SULT1C3: variants seen among roughly 807,000 people sequenced by gnomAD.
The protein encoded by SULT1C3 is sulfotransferase family 1C member 3, also known as sulfotransferase 1C3.
A neutral mutation model predicts 28.4 loss-of-function variants in SULT1C3; 31 were observed. The ratio of observed to expected loss-of-function variants is 1.09; its 90% CI spans 0.82 to 1.47. SULT1C3 has a LOEUF of 1.47. SULT1C3 is among the 40% of genes most tolerant of loss of function. The probability of loss-of-function intolerance (pLI) is 0.00; values close to 1 mark genes in which losing one functional copy is unlikely to be tolerated. For synonymous variants in SULT1C3, 106 were observed against 92.2 expected (o/e 1.15, Z -0.86); for missense variants, 307 against 272.5 (o/e 1.13, Z -0.89).
At chr2:108,265,081 G>T (rs371165785), downstream of SULT1C3, 30 of 1,499,694 alleles carry the variant, frequency 2.0e-5, no homozygotes, top group East Asian at 2.3e-4. Flanking sequence ...TTCCAGTAAT[G>T]TTTCATTCTC....
At chr2:108,249,008 T>A (rs1475947013) in intron 2 of SULT1C3, among the ~76,000 whole-genome samples, 1 of 152,092 alleles carries the variant, frequency 6.6e-6, no homozygotes, top group Non-Finnish European at 1.5e-5. Context: ...AGAGAGAAAG[T>A]ATCAACAAAA....
rs973409585 is a variant in SULT1C3, at chr2:108,252,371, C to A, written c.179C>A (p.Thr60Lys). The change falls in exon 3 of 8, where the codon ACA becomes AAA. Residue 60 changes from threonine (T) to lysine (K), a missense_variant. Physicochemically the swap from Thr to Lys is moderately conservative, Grantham distance 78 (BLOSUM62 -1). Coordinates refer to ENST00000681802, the MANE Select transcript of SULT1C3 (RefSeq NM_001320878.2). The part of the protein sequence containing the change: ...ILATYPKSGT[T>K]WMHEILDMIL... ...CTATTTCAAATATTTTCAGGTACAA[C>A]ATGGATGCATGAAATTTTAGACATG... The A allele has an allele frequency of 3.7e-6, 6 of 1,608,266 alleles. No individual in the cohort carries two copies. The Admixed American group carries it at 8.4e-5, about 23-fold the overall frequency.
At position 108,255,619 on chromosome 2, in the gene SULT1C3, C is replaced by A; in HGVS notation, c.447C>A (p.Tyr149Ter). The A allele has an allele frequency of 6.2e-7, 1 of 1,611,988 alleles. No homozygotes were observed. The highest frequency in any genetic ancestry group is 8.5e-7 in the Non-Finnish European group (1 of 1,178,584). Reference sequence around the variant, plus strand: ...CCAAGGATTGCCTGGTGTCCTACTACCACTTTCACAGGATGGCTTCCTTTA... The same window carrying A: ...CCAAGGATTGCCTGGTGTCCTACTAACACTTTCACAGGATGGCTTCCTTTA... ...RNPKDCLVSY[Y>*]HFHRMASFMP... is the part of the protein sequence containing the mutation. Residue 149 changes from tyrosine (Y) to a stop codon, truncating the protein, a stop_gained, in exon 5 of 8, where the codon TAC becomes TAA. Transcript: ENST00000681802. LOFTEE classifies it high-confidence loss of function.
chr2:108,244,494 C>A (rs1442973412), intron 1 of SULT1C3, among the ~76,000 whole-genome samples: 1 of 152,130 alleles, frequency 6.6e-6, no homozygotes, highest in Non-Finnish European at 1.5e-5. Context: ...TTTGCCTTCC[C>A]TATTTTTTTC....
At position 108,259,025 on chromosome 2, in the gene SULT1C3, TGTTATAAACAA is replaced by T. The variant is rs780805314; in HGVS notation, c.683_693del (p.Val228AspfsTer8). ...TCTTGGAGAAAACTTGGTCAGGTGATGTTATAAACAAGATTGTCCACCATACCTCATTTGAT... is the reference window on the plus strand; with the variant it reads ...TCTTGGAGAAAACTTGGTCAGGTGATGATTGTCCACCATACCTCATTTGAT... On this transcript the variant is annotated frameshift_variant, in exon 7 of 8. Coordinates refer to ENST00000681802, the MANE Select transcript of SULT1C3 (RefSeq NM_001320878.2). LOFTEE classifies it high-confidence loss of function. 2.2e-5 allele frequency: 7 copies of T among 324,544 alleles called. No homozygotes were observed. Among genetic ancestry groups the T allele is most frequent in the East Asian group, 1.6e-4 (5 of 30,990 alleles). The allele number at this position is 324,544 out of a possible 1,614,324, so 20.1% of individuals were successfully genotyped here.
downstream of SULT1C3, chr2:108,265,306 G>GA: frequency 6.2e-7 from 1 of 1,613,976 alleles, no homozygotes; most frequent in South Asian, 1.1e-5. Context: ...AGGACTACCA[G>GA]AAGAAGATGG....
At chr2:108,264,903 T>C, downstream of SULT1C3, 1 of 1,613,912 alleles carries the variant, frequency 6.2e-7, no homozygotes, top group Non-Finnish European at 8.5e-7. Context: ...TAAAATCATC[T>C]ATCACACCTC....
chr2:108,260,600 G>A lies in SULT1C3; in HGVS notation c.835G>A (p.Val279Met). Residue 279 changes from valine to methionine, a missense_variant, in exon 8 of 8, where the codon GTG (valine) becomes ATG (methionine). Val to Met is a conservative substitution (Grantham distance 21). Coordinates refer to ENST00000681802, the MANE Select transcript of SULT1C3 (RefSeq NM_001320878.2). The stretch of plus-strand genomic sequence containing the variant: ...TGGAGACTGGAAGAACCACTTTACT[G>A]TGGCTTTGAATGAGAACTTTGATAA... ...MPGDWKNHFT[V>M]ALNENFDKHY... is the part of the protein sequence containing the mutation. 1 of 513,338 alleles carries A rather than the reference G, an allele frequency of 1.9e-6. No homozygotes were observed. Among genetic ancestry groups the A allele is most frequent in the Non-Finnish European group, 3.9e-6 (1 of 257,388 alleles). The allele number at this position is 513,338 out of a possible 1,614,324, so 31.8% of individuals were successfully genotyped here. A position where few individuals can be genotyped will look rare whatever the true frequency, so the allele number is the denominator to read the frequency against.
intron 1 of SULT1C3, among the ~76,000 whole-genome samples, chr2:108,241,190 C>T (rs184774548): frequency 1.3e-5 from 2 of 152,228 alleles, no homozygotes; most frequent in Admixed American, 1.3e-4. Context: ...CTGCGTGTCA[C>T]GCTTGATTCC....
At chr2:108,260,487 T>G in intron 7 of SULT1C3, 81 bp from the exon 8 acceptor site, 1 of 376,122 alleles carries the variant, frequency 2.7e-6, no homozygotes. Context: ...ATCACGTGGG[T>G]AGGCCTAGGA....
intron 1 of SULT1C3, among the ~76,000 whole-genome samples, chr2:108,240,927 T>G (rs1241949515): frequency 1.3e-5 from 2 of 152,240 alleles, no homozygotes; most frequent in African/African-American, 2.4e-5. Flanking sequence ...CATCTACATA[T>G]GCCTTTTGGA....
Position 108,258,971 on chromosome 2 carries a change from A to G in SULT1C3, c.627A>G (p.Pro209=). ...YLFYEDIKKN[P]KHEIHKVLEF... ...CCTTTTTCTCCCATGATCAGAATCC[A>G]AAACATGAGATCCACAAGGTGTTGG... Residue 209 remains proline, a synonymous_variant, in exon 7 of 8, where the codon CCA becomes CCG. Coordinates refer to ENST00000681802, the MANE Select transcript of SULT1C3 (RefSeq NM_001320878.2). The G allele has an allele frequency of 4.4e-6, 3 of 686,336 alleles. No homozygotes were observed. The highest frequency in any genetic ancestry group is 7.8e-6 in the Non-Finnish European group (3 of 387,028). The allele number at this position is 686,336 out of a possible 1,614,324, so 42.5% of individuals were successfully genotyped here.
Position 108,258,790 on chromosome 2 carries a change from C to T in SULT1C3, c.583C>T (p.His195Tyr). 6.2e-6 allele frequency: 10 copies of T among 1,612,878 alleles called. No homozygotes were observed. Among genetic ancestry groups the T allele is most frequent in the Non-Finnish European group, 8.5e-6 (10 of 1,179,334 alleles). Reference sequence around the variant, plus strand: ...AGGATGGTGGGCTGCAAAAGACATGCACCGGATCCTCTACCTCTTCTACGA... The same window carrying T: ...AGGATGGTGGGCTGCAAAAGACATGTACCGGATCCTCTACCTCTTCTACGA... ...VKGWWAAKDM[H>Y]RILYLFYEDI... The change falls in exon 6 of 8, where the codon CAC (histidine) becomes TAC (tyrosine). Residue 195 changes from histidine (H) to tyrosine (Y), a missense_variant. His to Tyr is a moderately conservative substitution (Grantham distance 83). Transcript: ENST00000681802.
chr2:108,259,154 G>T lies in SULT1C3; in HGVS notation c.802+8G>T. The T allele has an allele frequency of 2.8e-6, 1 of 360,350 alleles. No individual in the cohort carries two copies. The highest frequency in any genetic ancestry group is 3.8e-5 in the South Asian group (1 of 26,124). The allele number at this position is 360,350 out of a possible 1,614,324, so 22.3% of individuals were successfully genotyped here. On this transcript the variant is annotated splice_region_variant and intron_variant, in intron 7 of 7. Coordinates refer to ENST00000681802, the MANE Select transcript of SULT1C3 (RefSeq NM_001320878.2). ...CAAAATTTATGAGGAAAGGTTGGTG[G>T]CATTTCTTTTCCTTAACTGAACTCT...
rs202034318 is a variant in SULT1C3 at position 108,259,101 on chromosome 2, C to A, written c.757C>A (p.Pro253Thr). 25 of 552,972 alleles carry A rather than the reference C, an allele frequency of 4.5e-5. No homozygotes were observed. The highest frequency in any genetic ancestry group is 2.7e-4 in the Middle Eastern group (1 of 3,756). 34.3% of individuals were successfully genotyped at this position (552,972 alleles called of 1,614,324 possible). The part of the protein sequence containing the change: ...DNPMANHTAV[P>T]AHIFNHSISK... ...TCCCATGGCCAACCATACTGCGGTA[C>A]CTGCTCACATATTCAATCACTCCAT... The change falls in exon 7 of 8, where the codon CCT (proline) becomes ACT (threonine). Residue 253 changes from proline to threonine, a missense_variant. Coordinates refer to ENST00000681802, the MANE Select transcript of SULT1C3 (RefSeq NM_001320878.2).
At chr2:108,245,220 G>A (rs775123326) in intron 1 of SULT1C3, among the ~76,000 whole-genome samples, 2 of 151,956 alleles carry the variant, frequency 1.3e-5, no homozygotes, top group Non-Finnish European at 2.9e-5. Context: ...TAAACTTTTG[G>A]GCCTTAGTCA....
chr2:108,252,865 G>A (rs1346087366), intron 3 of SULT1C3, among the ~76,000 whole-genome samples: 3 of 152,050 alleles, frequency 2.0e-5, no homozygotes, highest in African/African-American at 7.2e-5. Context: ...AGGAGGAGAA[G>A]TAGGGGGGAT....
At chr2:108,263,422 T>C (rs1676066768), downstream of SULT1C3, among the ~76,000 whole-genome samples, 1 of 152,206 alleles carries the variant, frequency 6.6e-6, no homozygotes, top group Admixed American at 6.6e-5. Context: ...GCAACCTGCC[T>C]GCCACAATCC....
At chr2:108,261,681 TA>T (rs1398373189), downstream of SULT1C3, among the ~76,000 whole-genome samples, 3 of 151,976 alleles carry the variant, frequency 2.0e-5, no homozygotes, top group Non-Finnish European at 4.4e-5. Context: ...GAAATAAAAT[TA>T]AAGAAGTGTA....
Sources: gnomAD v4.1 joint callset for allele counts (sites outside exome capture counted in the v4.1 genomes callset) on GRCh38, gnomAD v4.1.1 for gene constraint, MANE v1.5 for transcripts, NCBI Gene and HGNC (gene_info 2026-07-23, HGNC 2026-07-21) for gene names.